RPS6KC1: variants seen among roughly 807,000 people sequenced by gnomAD.
RPS6KC1 encodes ribosomal protein S6 kinase C1.
Under a neutral mutation model 103.8 loss-of-function variants are expected in RPS6KC1, and 54 were observed. That is an observed-to-expected ratio of 0.52 (90% confidence interval 0.42 to 0.65). The LOEUF is 0.65. Ranked by LOEUF, RPS6KC1 falls within the 30% of genes least tolerant of loss-of-function variation. RPS6KC1 has a pLI of 0.00. For missense variants in RPS6KC1, 1,151 were observed against 1,253.8 expected (o/e 0.92, Z 1.24); for synonymous variants, 439 against 438.7 (o/e 1.00, Z -0.01).
At chr1:213,486,404 T>C in the RPS6KC1 span, among the ~76,000 whole-genome samples, 1 of 152,098 alleles carries the variant, frequency 6.6e-6, no homozygotes, top group African/African-American at 2.4e-5. Context: ...TTTGGCTTGA[T>C]TTTATTTTTT....
chr1:213,499,201 A>G, the RPS6KC1 span, among the ~76,000 whole-genome samples: 1 of 152,198 alleles, frequency 6.6e-6, no homozygotes, highest in South Asian at 2.1e-4. Flanking sequence ...CTAGTTGTAG[A>G]AAAAGCATAA....
At chr1:213,108,450 T>C (rs901050997) in intron 4 of RPS6KC1, among the ~76,000 whole-genome samples, 2 of 152,140 alleles carry the variant, frequency 1.3e-5, no homozygotes, top group African/African-American at 2.4e-5. Context: ...TACGTGCCTG[T>C]CTTATCCTAG....
the RPS6KC1 span, among the ~76,000 whole-genome samples, chr1:213,507,476 A>G: frequency 2.6e-5 from 4 of 152,150 alleles, no homozygotes; most frequent in African/African-American, 9.7e-5. Context: ...AGATGCAAAG[A>G]AAGTGGCGCA....
chr1:213,300,926 G>A, the RPS6KC1 span, among the ~76,000 whole-genome samples: 1 of 152,174 alleles, frequency 6.6e-6, no homozygotes, highest in Non-Finnish European at 1.5e-5. Flanking sequence ...ATGGTCTCCT[G>A]ACTGCCACAG....
chr1:213,258,013 G>A (rs921431616), intron 12 of RPS6KC1, among the ~76,000 whole-genome samples: 13 of 151,396 alleles, frequency 8.6e-5, no homozygotes, highest in East Asian at 3.9e-4. Context: ...ATGGAGTCTC[G>A]CTCTGTTGCC....
chr1:213,209,688 T>C (rs1467422940), intron 8 of RPS6KC1, among the ~76,000 whole-genome samples: 2 of 45,332 alleles, frequency 4.4e-5, no homozygotes, highest in Non-Finnish European at 7.4e-5. Context: ...AGAGCAAAAC[T>C]CCGTCTCAAA....
intron 1 of RPS6KC1, among the ~76,000 whole-genome samples, chr1:213,064,003 A>G (rs1338014407): frequency 6.6e-6 from 1 of 152,200 alleles, no homozygotes; most frequent in Non-Finnish European, 1.5e-5. Context: ...GGTAGTACTA[A>G]CTGAATCAGT....
the RPS6KC1 span, among the ~76,000 whole-genome samples, chr1:213,692,400 A>AT: frequency 1.7e-4 from 26 of 151,936 alleles, 1 homozygote; most frequent in African/African-American, 3.1e-4. Context: ...AAAAAAAAAA[A>AT]AAATAAATAA....
At chr1:213,363,766 C>CT in the RPS6KC1 span, among the ~76,000 whole-genome samples, 1 of 26,352 alleles carries the variant, frequency 3.8e-5, no homozygotes, top group Non-Finnish European at 8.4e-5. Flanking sequence ...TCTCTTCTTT[C>CT]TTTCTTTCTT....
chr1:213,409,094 G>A, the RPS6KC1 span, among the ~76,000 whole-genome samples: 22 of 152,228 alleles, frequency 1.4e-4, no homozygotes, highest in South Asian at 4.6e-3. Flanking sequence ...TAAAGAGCAC[G>A]TTGGAGTGGA....
the RPS6KC1 span, among the ~76,000 whole-genome samples, chr1:213,455,210 GT>G: frequency 3.3e-5 from 5 of 152,222 alleles, no homozygotes; most frequent in African/African-American, 1.2e-4. Flanking sequence ...TCCTACATCT[GT>G]TTCCCTGCAA....
At chr1:213,424,202 G>A in the RPS6KC1 span, among the ~76,000 whole-genome samples, 1 of 152,226 alleles carries the variant, frequency 6.6e-6, no homozygotes, top group Non-Finnish European at 1.5e-5. Flanking sequence ...TCTGAATGCT[G>A]AGAGCTGCTC....
At chr1:213,570,902 G>C in the RPS6KC1 span, among the ~76,000 whole-genome samples, 2 of 152,142 alleles carry the variant, frequency 1.3e-5, no homozygotes, top group Non-Finnish European at 2.9e-5. Context: ...CACTAATGAG[G>C]AAAAGATGCT....
chr1:213,558,678 A>G, the RPS6KC1 span, among the ~76,000 whole-genome samples: 4 of 152,244 alleles, frequency 2.6e-5, no homozygotes, highest in Non-Finnish European at 5.9e-5. Flanking sequence ...AGTTTGGCCT[A>G]AAAGTTTCTC....
At chr1:213,359,553 T>G in the RPS6KC1 span, among the ~76,000 whole-genome samples, 1 of 152,232 alleles carries the variant, frequency 6.6e-6, no homozygotes, top group Non-Finnish European at 1.5e-5. Context: ...TTAGCCCATT[T>G]ACATTTAAAG....
the RPS6KC1 span, among the ~76,000 whole-genome samples, chr1:213,731,821 A>G: frequency 6.6e-6 from 1 of 152,198 alleles, no homozygotes; most frequent in South Asian, 2.1e-4. Flanking sequence ...AAAATGTCCA[A>G]CAGTAGCAAC....
At chr1:213,777,018 C>A in the RPS6KC1 span, among the ~76,000 whole-genome samples, 1 of 152,152 alleles carries the variant, frequency 6.6e-6, no homozygotes, top group Admixed American at 6.5e-5. Context: ...GGGTTAGGAT[C>A]TTTCTCTGGA....
Position 213,264,575 on chromosome 1 carries a change from G to A in RPS6KC1, c.3090+1759G>A, listed in dbSNP as rs931963645. Among the ~76,000 whole-genome samples the A allele has an allele frequency of 3.3e-5, 5 of 152,096 alleles. 1 individual carries two copies. Among genetic ancestry groups the A allele is most frequent in the Non-Finnish European group, 7.4e-5 (5 of 68,004 alleles). ...AGGTTGTAAAGGAATCTAGGCTTAA[G>A]ATATGGTAAGTCCCCAAACTCAGAT... is the stretch of plus-strand genomic sequence containing the variant. On this transcript the variant is annotated intron_variant, in intron 14 of 14. Coordinates refer to ENST00000366960, the MANE Select transcript of RPS6KC1 (RefSeq NM_012424.6).
the RPS6KC1 span, among the ~76,000 whole-genome samples, chr1:213,498,772 ATT>A: frequency 0.41 from 45,995 of 111,246 alleles, 7,983 homozygotes; most frequent in East Asian, 0.55. Flanking sequence ...GTTTTCTAAG[ATT>A]TTTTTTTTTT....
Sources: gnomAD v4.1 joint callset for allele counts (sites outside exome capture counted in the v4.1 genomes callset) on GRCh38, gnomAD v4.1.1 for gene constraint, MANE v1.5 for transcripts, NCBI Gene and HGNC (gene_info 2026-07-23, HGNC 2026-07-21) for gene names.